DNAH17: variants seen among roughly 807,000 people sequenced by gnomAD.
DNAH17 encodes dynein axonemal heavy chain 17.
DNAH17 carries 376 observed loss-of-function variants against 485.6 expected under a neutral mutation model. The observed-to-expected ratio is 0.77, with a 90% CI of 0.71 to 0.84. The LOEUF (loss-of-function observed/expected upper bound fraction) is 0.84. Among genes scored for constraint, DNAH17 ranks in the 40% least tolerant of loss-of-function variants. DNAH17 has a pLI of 0.00. For synonymous variants in DNAH17, 3,031 were observed against 2,405.9 expected, an observed-to-expected ratio of 1.26 and a Z score of -7.60; for missense variants, 6,370 against 5,839.3, an observed-to-expected ratio of 1.09 and a Z score of -2.96.
At chr17:78,425,838 T>A (rs1175512224) in intron 79 of DNAH17, among the ~76,000 whole-genome samples, 6 of 148,962 alleles carry the variant, frequency 4.0e-5, no homozygotes, top group Non-Finnish European at 7.4e-5. Context: ...CAATCTTGGC[T>A]CAACGCAACC....
intron 26 of DNAH17, among the ~76,000 whole-genome samples, chr17:78,511,834 C>G (rs2090643047): frequency 6.6e-6 from 1 of 152,248 alleles, no homozygotes; most frequent in East Asian, 1.9e-4. Flanking sequence ...TATCACCGCC[C>G]AAGCGTCTCT....
chr17:78,480,911 C>T lies in DNAH17; in HGVS notation c.7650-125G>A, dbSNP rs538409902. ...TTTGAGACAGAGTCTCGCTCTGTTG[C>T]CCAGGCTGGAGTGCAGTGGCACAAT... On this transcript the variant is annotated intron_variant, in intron 48 of 80. Transcript: ENST00000389840. 828 of 698,224 alleles carry T rather than the reference C, an allele frequency of 1.2e-3. 2 individuals carry two copies. Among genetic ancestry groups the T allele is most frequent in the Non-Finnish European group, 1.7e-3 (695 of 405,216 alleles). 43.3% of individuals were successfully genotyped at this position (698,224 alleles called of 1,614,324 possible). A position where few individuals can be genotyped will look rare whatever the true frequency, so the allele number is the denominator to read the frequency against.
chr17:78,476,365 C>T (rs915696376), intron 52 of DNAH17, among the ~76,000 whole-genome samples: 1 of 151,262 alleles, frequency 6.6e-6, no homozygotes, highest in East Asian at 1.9e-4. Context: ...GTGGAACCCT[C>T]GGACCCACAG....
Position 78,482,784 on chromosome 17 carries a change from T to C in DNAH17, c.7650-1998A>G, listed in dbSNP as rs557078153. Among the ~76,000 whole-genome samples, 4 of 152,294 alleles carry C rather than the reference T, an allele frequency of 2.6e-5. No homozygotes were observed. In the East Asian group the frequency reaches 7.7e-4, roughly 29 times the overall value. On this transcript the variant is annotated intron_variant, in intron 48 of 80. Transcript: ENST00000389840. ...CTGTTGTCGTGGGGCCATGTTAATCTGATATTCTAGAAGGATCTTTTGAAA... is the reference window on the plus strand; with the variant it reads ...CTGTTGTCGTGGGGCCATGTTAATCCGATATTCTAGAAGGATCTTTTGAAA...
intron 30 of DNAH17, 41 bp downstream of exon 30, chr17:78,506,676 CATG>C: frequency 6.2e-7 from 1 of 1,612,498 alleles, no homozygotes; most frequent in South Asian, 1.1e-5. Context: ...TGGGGTCTGG[CATG>C]ATGTTGGCTT....
intron 3 of DNAH17, among the ~76,000 whole-genome samples, chr17:78,572,090 G>A (rs1182162042): frequency 6.6e-6 from 1 of 152,144 alleles, no homozygotes; most frequent in Non-Finnish European, 1.5e-5. Context: ...TGGCTCCCCT[G>A]GTGTCACCAC....
chr17:78,426,842 C>A, intron 78 of DNAH17, 84 bp downstream of exon 78: 1 of 1,499,776 alleles, frequency 6.7e-7, no homozygotes, highest in Non-Finnish European at 9.1e-7. Context: ...GGGGCCTGTG[C>A]TAGGCCTGGG....
chr17:78,475,859 A>AC, intron 52 of DNAH17, 26 bp from the exon 53 acceptor site: 2 of 1,605,900 alleles, frequency 1.2e-6, no homozygotes, highest in Non-Finnish European at 1.7e-6. Context: ...AAAAGACGAT[A>AC]CTTCCGGTTT....
At chr17:78,544,988 C>T (rs953463539) in intron 16 of DNAH17, among the ~76,000 whole-genome samples, 2 of 151,970 alleles carry the variant, frequency 1.3e-5, no homozygotes, top group Non-Finnish European at 2.9e-5. Flanking sequence ...TCTCCCTATC[C>T]TCCATCCCAT....
In DNAH17 at chr17:78,506,773, C is replaced by CAA. The variant is rs1246964457; in HGVS notation, c.4748_4749dup (p.Val1584LeufsTer20). 1 of 1,613,828 alleles carries CAA rather than the reference C, an allele frequency of 6.2e-7. No homozygotes were observed. Among genetic ancestry groups the CAA allele is most frequent in the African/African-American group, 1.3e-5 (1 of 74,898 alleles). ...ATGTCCAGGAGGTCAGCCGAGGAGA[C>CAA]AAAATAGAACCGGGGGAAAGCCAGT... On this transcript the variant is annotated frameshift_variant, in exon 30 of 81. Transcript: ENST00000389840. LOFTEE classifies it high-confidence loss of function.
At chr17:78,538,518 C>T (rs926683324) in intron 18 of DNAH17, among the ~76,000 whole-genome samples, 1 of 152,170 alleles carries the variant, frequency 6.6e-6, no homozygotes, top group African/African-American at 2.4e-5. Context: ...TGTCTATGAG[C>T]AGGAGGGGGC....
chr17:78,566,809 C>A, intron 10 of DNAH17, 79 bp from the exon 11 acceptor site: 2 of 1,336,438 alleles, frequency 1.5e-6, no homozygotes, highest in Non-Finnish European at 1.0e-6. Context: ...CCCTGCCCTG[C>A]TGAGAGGACT....
chr17:78,495,770 C>G, intron 38 of DNAH17, 105 bp downstream of exon 38: 2 of 1,379,532 alleles, frequency 1.4e-6, no homozygotes, highest in Non-Finnish European at 2.0e-6. Context: ...TCTTCCCTCC[C>G]CAGCTTGCCC....
chr17:78,529,730 C>T, intron 21 of DNAH17, 36 bp from the exon 22 acceptor site: 1 of 1,597,354 alleles, frequency 6.3e-7, no homozygotes, highest in South Asian at 1.1e-5. Flanking sequence ...TGGCCCCAGC[C>T]CCCCTTAGGC....
In DNAH17 at chr17:78,478,946, G is replaced by A. The variant is rs538939776; in HGVS notation, c.7992+79C>T. 4.5e-5 allele frequency: 53 copies of A among 1,179,466 alleles called. No homozygotes were observed. In the African/African-American group the frequency reaches 6.3e-4, roughly 14 times the overall value. 73.1% of individuals were successfully genotyped at this position (1,179,466 alleles called of 1,614,324 possible). A position where few individuals can be genotyped will look rare whatever the true frequency, so the allele number is the denominator to read the frequency against. On this transcript the variant is annotated intron_variant, in intron 51 of 80. Coordinates refer to ENST00000389840, the MANE Select transcript of DNAH17 (RefSeq NM_173628.4). The stretch of plus-strand genomic sequence containing the variant: ...CCATCATCAGTCCACACCTCCCTGA[G>A]AGCTGTGATGAGGAAAGCACCTGTG...
rs145565828 is a variant in DNAH17 at position 78,550,468 on chromosome 17, G to T, written c.2391+1067C>A. On this transcript the variant is annotated intron_variant, in intron 16 of 80. Coordinates refer to ENST00000389840, the MANE Select transcript of DNAH17 (RefSeq NM_173628.4). ...ATTTGGAGATGAGAGCTTTAAAGAG[G>T]TGCTTAAGTTAATATGAGGTCATTA... Among the ~76,000 whole-genome samples, 49 of 152,372 alleles carry T rather than the reference G, an allele frequency of 3.2e-4. 1 individual carries two copies. The East Asian group carries it at 9.4e-3, about 29-fold the overall frequency.
chr17:78,537,878 C>A (rs1456236811), intron 18 of DNAH17, among the ~76,000 whole-genome samples: 2 of 152,158 alleles, frequency 1.3e-5, no homozygotes, highest in Non-Finnish European at 1.5e-5. Flanking sequence ...GTGGCTCATG[C>A]CTGTAATCCC....
chr17:78,563,190 T>C (rs77945224), intron 11 of DNAH17, among the ~76,000 whole-genome samples: 2,005 of 152,344 alleles, frequency 0.013, 40 homozygotes, highest in African/African-American at 0.045. Context: ...AAATCTTCCT[T>C]ACCCAAATTC....
At chr17:78,543,697 T>C (rs1236530640) in intron 17 of DNAH17, 160 bp downstream of exon 17, 2 of 1,078,374 alleles carry the variant, frequency 1.9e-6, no homozygotes, top group Non-Finnish European at 2.8e-6. Context: ...AGTGCTGGGA[T>C]TACAGGTGAG....
Sources: allele counts gnomAD v4.1 joint callset (sites outside exome capture counted in the v4.1 genomes callset), GRCh38; gene constraint gnomAD v4.1.1; transcripts MANE v1.5; gene names NCBI Gene and HGNC (gene_info 2026-07-23, HGNC 2026-07-21).